ROBO2: variants seen among roughly 807,000 people sequenced by gnomAD.
The protein encoded by ROBO2 is roundabout guidance receptor 2.
A neutral mutation model predicts 160.8 loss-of-function variants in ROBO2; 53 were observed. That is an observed-to-expected ratio of 0.33 (90% CI 0.26 to 0.41). ROBO2 has a LOEUF of 0.41. ROBO2 is among the 10% of genes least tolerant of loss of function. The pLI is 1.00. For missense variants in ROBO2, 1,577 were observed against 1,722.4 expected, an observed-to-expected ratio of 0.92 and a Z score of 1.49; for synonymous variants, 664 against 611.7, an observed-to-expected ratio of 1.09 and a Z score of -1.26.
intron 2 of ROBO2, among the ~76,000 whole-genome samples, chr3:76,520,910 AGAGT>A (rs754575337): frequency 1.3e-5 from 2 of 152,298 alleles, no homozygotes; most frequent in South Asian, 2.1e-4. Flanking sequence ...TCTCTTAGAT[AGAGT>A]GAGTTCCCAG....
intron 2 of ROBO2, among the ~76,000 whole-genome samples, chr3:76,636,638 G>T (rs546894219): frequency 3.1e-4 from 47 of 152,146 alleles, no homozygotes; most frequent in Non-Finnish European, 5.7e-4. Flanking sequence ...CAACACTTAG[G>T]CAGAATTTTG....
chr3:76,370,873 A>C (rs1249582019), intron 2 of ROBO2, among the ~76,000 whole-genome samples: 3 of 151,926 alleles, frequency 2.0e-5, no homozygotes, highest in Admixed American at 2.0e-4. Context: ...CTAGCCAGGC[A>C]CTAGGCCAGG....
In ROBO2 at chr3:75,939,421, A is replaced by G. The variant is rs186310764; in HGVS notation, c.109+1819A>G. Among the ~76,000 whole-genome samples, 99 of 152,284 alleles carry G rather than the reference A, an allele frequency of 6.5e-4. 1 individual carries two copies. Among genetic ancestry groups the G allele is most frequent in the Admixed American group, 1.9e-3 (29 of 15,274 alleles). On this transcript the variant is annotated intron_variant, in intron 2 of 26. Coordinates refer to the ROBO2 transcript ENST00000487694. ...TCAATATTGATTGCTCAAATATTCT[A>G]TCTTTCATTGGGGACCATCATTTAT...
intron 7 of ROBO2, among the ~76,000 whole-genome samples, chr3:77,546,849 G>T (rs1394101230): frequency 6.6e-6 from 1 of 152,148 alleles, no homozygotes; most frequent in South Asian, 2.1e-4. Context: ...CTGTGACATG[G>T]AAAACAGTCA....
chr3:77,097,533 A>G (rs1014448039), intron 1 of ROBO2, among the ~76,000 whole-genome samples: 2 of 152,132 alleles, frequency 1.3e-5, no homozygotes, highest in African/African-American at 4.8e-5. Flanking sequence ...CTTTTGCCTC[A>G]TCTGTTAAAT....
intron 2 of ROBO2, among the ~76,000 whole-genome samples, chr3:76,886,280 C>G (rs1329357777): frequency 6.6e-6 from 1 of 151,308 alleles, no homozygotes; most frequent in East Asian, 1.9e-4. Flanking sequence ...ATATATAGAC[C>G]CTTTGGATTG....
chr3:75,940,769 G>A (rs1385467513), intron 2 of ROBO2, among the ~76,000 whole-genome samples: 1 of 152,076 alleles, frequency 6.6e-6, no homozygotes, highest in African/African-American at 2.4e-5. Context: ...GGAGAATCTA[G>A]ATAAAACTGA....
chr3:77,192,631 T>G (rs984183783), intron 2 of ROBO2, among the ~76,000 whole-genome samples: 2 of 151,512 alleles, frequency 1.3e-5, no homozygotes, highest in African/African-American at 4.9e-5. Flanking sequence ...CTTTTCCATT[T>G]TATGAACAAA....
chr3:76,353,301 A>ATAAGAACAG (rs1255266834), intron 2 of ROBO2, among the ~76,000 whole-genome samples: 1 of 151,982 alleles, frequency 6.6e-6, no homozygotes, highest in African/African-American at 2.4e-5. Context: ...TTGTGTAGGC[A>ATAAGAACAG]TAAGAACAGT....
intron 2 of ROBO2, among the ~76,000 whole-genome samples, chr3:76,658,931 G>T (rs2091698409): frequency 6.6e-6 from 1 of 151,978 alleles, no homozygotes; most frequent in Admixed American, 6.5e-5. Context: ...TCCTTTATTA[G>T]TAGTTATTAT....
intron 2 of ROBO2, among the ~76,000 whole-genome samples, chr3:77,259,206 C>T (rs1206916422): frequency 2.6e-5 from 4 of 152,180 alleles, no homozygotes; most frequent in Non-Finnish European, 5.9e-5. Flanking sequence ...GCTTTCTTGT[C>T]TGTCTCCTTG....
intron 19 of ROBO2, among the ~76,000 whole-genome samples, chr3:77,600,450 G>A (rs2094408350): frequency 6.6e-6 from 1 of 152,174 alleles, no homozygotes; most frequent in Non-Finnish European, 1.5e-5. Flanking sequence ...AGCATTAGTT[G>A]TATAGCAATA....
chr3:77,000,389 C>G (rs1444346531), intron 2 of ROBO2, among the ~76,000 whole-genome samples: 1 of 152,190 alleles, frequency 6.6e-6, no homozygotes, highest in African/African-American at 2.4e-5. Context: ...TTGCCAGCCT[C>G]TCAGTCTGGA....
At chr3:76,489,662 A>T (rs1328961606) in intron 2 of ROBO2, among the ~76,000 whole-genome samples, 1 of 152,120 alleles carries the variant, frequency 6.6e-6, no homozygotes, top group Admixed American at 6.6e-5. Flanking sequence ...TATTTGAGTT[A>T]TTGTTACTTT....
chr3:77,618,602 A>G (rs2094832309), intron 22 of ROBO2, among the ~76,000 whole-genome samples: 2 of 151,948 alleles, frequency 1.3e-5, no homozygotes, highest in Non-Finnish European at 2.9e-5. Flanking sequence ...AGTCTGAGTA[A>G]ATTTTTTAAA....
At chr3:76,096,337 T>A (rs1185114314) in intron 2 of ROBO2, among the ~76,000 whole-genome samples, 2 of 152,118 alleles carry the variant, frequency 1.3e-5, no homozygotes, top group Non-Finnish European at 2.9e-5. Flanking sequence ...AGAAAAGCAC[T>A]TTAAAAATAA....
At chr3:77,235,081 A>G (rs1031880749) in intron 2 of ROBO2, among the ~76,000 whole-genome samples, 1 of 152,188 alleles carries the variant, frequency 6.6e-6, no homozygotes, top group South Asian at 2.1e-4. Flanking sequence ...TGCTTTCTTT[A>G]TATCTTCTCC....
chr3:75,986,168 G>A (rs1476791291), intron 2 of ROBO2, among the ~76,000 whole-genome samples: 3 of 150,936 alleles, frequency 2.0e-5, no homozygotes, highest in East Asian at 1.9e-4. Flanking sequence ...CAGTGCACAA[G>A]TGTTACAGTT....
intron 2 of ROBO2, among the ~76,000 whole-genome samples, chr3:76,158,873 C>A (rs2072513139): frequency 6.6e-6 from 1 of 152,078 alleles, no homozygotes; most frequent in Non-Finnish European, 1.5e-5. Flanking sequence ...TACTTATCAT[C>A]TTTACCATAA....
Sources: gnomAD v4.1 joint callset for allele counts (sites outside exome capture counted in the v4.1 genomes callset) on GRCh38, gnomAD v4.1.1 for gene constraint, MANE v1.5 for transcripts, NCBI Gene and HGNC (gene_info 2026-07-23, HGNC 2026-07-21) for gene names.